PTPRN2: variants seen among roughly 807,000 people sequenced by gnomAD.
PTPRN2 encodes the protein protein tyrosine phosphatase receptor type N2.
In PTPRN2, 74 loss-of-function variants were observed where a neutral mutation model predicts 118.8. The observed-to-expected ratio is 0.62, with a 90% CI of 0.52 to 0.76. PTPRN2 has a LOEUF of 0.76. PTPRN2 is among the 30% of genes least tolerant of loss of function. PTPRN2 has a pLI of 0.00. For missense variants in PTPRN2, 1,481 were observed against 1,394.4 expected (o/e 1.06, Z -0.99); for synonymous variants, 641 against 608.0 (o/e 1.05, Z -0.80).
intron 1 of PTPRN2, among the ~76,000 whole-genome samples, chr7:158,510,163 G>A (rs760680446): frequency 4.6e-5 from 7 of 152,180 alleles, no homozygotes; most frequent in East Asian, 1.9e-4. Flanking sequence ...CCTGGTGTGC[G>A]GGGACACATT....
At position 157,540,791 on chromosome 7, in the gene PTPRN2, G is replaced by C. The variant is rs1322071267; in HGVS notation, c.2977-6C>G. The C allele has an allele frequency of 6.4e-7, 1 of 1,558,378 alleles. No individual in the cohort carries two copies. Among genetic ancestry groups the C allele is most frequent in the South Asian group, 1.2e-5 (1 of 84,440 alleles). ...AGCGCGAACTCAAACTGCTCCTGCA[G>C]GGCGAGAAACGAGAGAAGTGCCAAT... On this transcript the variant is annotated splice_polypyrimidine_tract_variant and splice_region_variant and intron_variant, in intron 22 of 22. Coordinates refer to ENST00000389418, the MANE Select transcript of PTPRN2 (RefSeq NM_002847.5).
rs113260162 is a variant in PTPRN2 at position 157,547,908 on chromosome 7, C to T, written c.2976+1038G>A. On this transcript the variant is annotated intron_variant, in intron 22 of 22. Coordinates refer to ENST00000389418, the MANE Select transcript of PTPRN2 (RefSeq NM_002847.5). Reference sequence around the variant, plus strand: ...GGAACCATGATGCCCCTCGCGTGGCCGCCCTGGGCGTGTCCTGCTCCAGGG... The same window carrying T: ...GGAACCATGATGCCCCTCGCGTGGCTGCCCTGGGCGTGTCCTGCTCCAGGG... Among the ~76,000 whole-genome samples, 473 of 152,294 alleles carry T rather than the reference C, an allele frequency of 3.1e-3. 2 individuals are homozygous for T. Among genetic ancestry groups the T allele is most frequent in the African/African-American group, 0.011 (452 of 41,548 alleles).
intron 2 of PTPRN2, among the ~76,000 whole-genome samples, chr7:158,396,431 T>C (rs1812506371): frequency 6.6e-6 from 1 of 152,306 alleles, no homozygotes; most frequent in African/African-American, 2.4e-5. Flanking sequence ...CACGTGTGTG[T>C]GCATGAATGT....
chr7:158,416,535 G>A lies in PTPRN2; in HGVS notation c.163+73200C>T, dbSNP rs73731227. Reference sequence around the variant, plus strand: ...AGCACAGACAGCAAAGCATGGAGCTGTGTGGCCACATCATCTCCCAGGGAG... The same window carrying A: ...AGCACAGACAGCAAAGCATGGAGCTATGTGGCCACATCATCTCCCAGGGAG... On this transcript the variant is annotated intron_variant, in intron 2 of 22. Coordinates refer to ENST00000389418, the MANE Select transcript of PTPRN2 (RefSeq NM_002847.5). Among the ~76,000 whole-genome samples, 825 of 152,338 alleles carry A rather than the reference G, an allele frequency of 5.4e-3. 12 individuals carry two copies. Among genetic ancestry groups the A allele is most frequent in the African/African-American group, 0.018 (745 of 41,572 alleles).
In PTPRN2 at chr7:158,587,614, A is replaced by G; in HGVS notation, c.56T>C (p.Val19Ala). 7.4e-7 allele frequency: 1 copy of G among 1,360,464 alleles called. No homozygotes were observed. Among genetic ancestry groups the G allele is most frequent in the Non-Finnish European group, 9.4e-7 (1 of 1,062,984 alleles). The allele number at this position is 1,360,464 out of a possible 1,614,324, so 84.3% of individuals were successfully genotyped here. A position where few individuals can be genotyped will look rare whatever the true frequency, so the allele number is the denominator to read the frequency against. Residue 19 changes from valine to alanine, a missense_variant, in exon 1 of 23, where the codon GTC (valine) becomes GCC (alanine). Transcript: ENST00000389418. ...LLLLLLLPPR[V>A]LPAAPSSVPR... The stretch of plus-strand genomic sequence containing the variant: ...GACGGACGAAGGGGCGGCAGGCAGG[A>G]CGCGTGGCGGCAGCAGCAGCAGTAG...
At chr7:158,480,312 C>T (rs887393320) in intron 2 of PTPRN2, among the ~76,000 whole-genome samples, 1 of 152,132 alleles carries the variant, frequency 6.6e-6, no homozygotes, top group African/African-American at 2.4e-5. Context: ...TTTGGGGCAC[C>T]ATGAACCGTG....
intron 11 of PTPRN2, among the ~76,000 whole-genome samples, chr7:157,913,634 C>G (rs966869890): frequency 2.6e-5 from 4 of 152,310 alleles, no homozygotes; most frequent in African/African-American, 9.6e-5. Flanking sequence ...TTACCTGTAT[C>G]TATTGAGATA....
In PTPRN2 at chr7:158,531,288, G is replaced by A. The variant is rs567540505; in HGVS notation, c.113-41503C>T. ...CGTCCCATGCTGCCATCCAAGAAAC[G>A]CTCCAGGGAAGGGAAGCCAAGGCTG... On this transcript the variant is annotated intron_variant, in intron 1 of 22. Coordinates refer to ENST00000389418, the MANE Select transcript of PTPRN2 (RefSeq NM_002847.5). 3.8e-3 allele frequency among the ~76,000 whole-genome samples: 585 copies of A among 152,174 alleles called. 5 individuals are homozygous for A. The highest frequency in any genetic ancestry group is 0.01 in the Middle Eastern group (3 of 294).
At chr7:157,652,234 C>A (rs776310550) in intron 14 of PTPRN2, among the ~76,000 whole-genome samples, 1 of 152,228 alleles carries the variant, frequency 6.6e-6, no homozygotes, top group African/African-American at 2.4e-5. Context: ...AAGGCCCCGC[C>A]GGGCTCTGTT....
intron 15 of PTPRN2, among the ~76,000 whole-genome samples, chr7:157,612,100 A>G (rs758556926): frequency 5.9e-5 from 9 of 152,132 alleles, no homozygotes; most frequent in Non-Finnish European, 1.2e-4. Flanking sequence ...GAGCACCTGG[A>G]GCGACCTGGG....
At chr7:158,329,331 C>T (rs1803934035) in intron 2 of PTPRN2, among the ~76,000 whole-genome samples, 2 of 152,220 alleles carry the variant, frequency 1.3e-5, no homozygotes, top group Middle Eastern at 3.2e-3. Context: ...CCCAGCACTT[C>T]CCAGCCTTTT....
At chr7:158,313,313 A>G (rs1350253979) in intron 3 of PTPRN2, among the ~76,000 whole-genome samples, 1 of 152,192 alleles carries the variant, frequency 6.6e-6, no homozygotes, top group Non-Finnish European at 1.5e-5. Flanking sequence ...TGCCCACCCC[A>G]GGACACACCC....
At chr7:158,147,000 C>A (rs1444825584) in intron 6 of PTPRN2, among the ~76,000 whole-genome samples, 43 of 39,058 alleles carry the variant, frequency 1.1e-3, no homozygotes, top group African/African-American at 4.5e-3. Context: ...CAATGACACC[C>A]CATCTCACGC....
chr7:158,264,889 G>T lies in PTPRN2; in HGVS notation c.277+51930C>A, dbSNP rs1344555546. On this transcript the variant is annotated intron_variant, in intron 3 of 22. Transcript: ENST00000389418. ...GATGCCCGGGAGGAGCTGTCCCATG[G>T]AGTTTTGGGGTCCTCCTCCTCTTCC... 4.7e-4 allele frequency among the ~76,000 whole-genome samples: 71 copies of T among 152,150 alleles called. 3 individuals carry two copies. Among genetic ancestry groups the T allele is most frequent in the Admixed American group, 4.6e-3 (71 of 15,280 alleles).
chr7:158,000,466 C>T (rs1025582268), intron 11 of PTPRN2, among the ~76,000 whole-genome samples: 6 of 151,976 alleles, frequency 3.9e-5, no homozygotes, highest in African/African-American at 9.7e-5. Context: ...TCACCACTAA[C>T]GCCCTGCACA....
chr7:158,231,285 T>G (rs887324731), intron 3 of PTPRN2, among the ~76,000 whole-genome samples: 10 of 152,022 alleles, frequency 6.6e-5, no homozygotes, highest in Admixed American at 5.9e-4. Context: ...AAAAAAGATA[T>G]TCCATGCAAG....
chr7:157,571,200 G>GTT (rs373762635), intron 20 of PTPRN2, among the ~76,000 whole-genome samples: 1 of 17,450 alleles, frequency 5.7e-5, no homozygotes, highest in African/African-American at 2.2e-4. Context: ...GGGCAACAGA[G>GTT]TTAAAAAAAA....
At chr7:158,477,032 GTTCAA>G (rs1215415948) in intron 2 of PTPRN2, among the ~76,000 whole-genome samples, 1 of 152,216 alleles carries the variant, frequency 6.6e-6, no homozygotes, top group Non-Finnish European at 1.5e-5. Context: ...GCTTCACATA[GTTCAA>G]TTCAGTCATT....
intron 10 of PTPRN2, among the ~76,000 whole-genome samples, chr7:158,101,476 C>A (rs976355488): frequency 6.6e-6 from 1 of 152,174 alleles, no homozygotes; most frequent in African/African-American, 2.4e-5. Context: ...GACTTCATGA[C>A]AAAGAACCCA....
Sources: allele counts gnomAD v4.1 joint callset (sites outside exome capture counted in the v4.1 genomes callset), GRCh38; gene constraint gnomAD v4.1.1; transcripts MANE v1.5; gene names NCBI Gene and HGNC (gene_info 2026-07-23, HGNC 2026-07-21).